USP34: variants seen among roughly 807,000 people sequenced by gnomAD.
The protein encoded by USP34 is ubiquitin carboxyl-terminal hydrolase 34.
In USP34, 70 loss-of-function variants were observed where a neutral mutation model predicts 460.3. That is an observed-to-expected ratio of 0.15 (90% CI 0.13 to 0.19). USP34 has a LOEUF of 0.19. Among genes scored for constraint, USP34 ranks in the 10% least tolerant of loss-of-function variants. The pLI is 1.00. For missense variants in USP34, 3,985 were observed against 4,236.2 expected (o/e 0.94, Z 1.65); for synonymous variants, 1,647 against 1,405.3 (o/e 1.17, Z -3.85).
At chr2:61,291,138 C>G (rs1307909000) in intron 33 of USP34, among the ~76,000 whole-genome samples, 1 of 152,048 alleles carries the variant, frequency 6.6e-6, no homozygotes, top group Non-Finnish European at 1.5e-5. Context: ...TAAAAGTGGG[C>G]AATGGATGTG....
At chr2:61,248,185 CAAAAAAA>C (rs11339335) in intron 49 of USP34, among the ~76,000 whole-genome samples, 1 of 69,568 alleles carries the variant, frequency 1.4e-5, no homozygotes, top group African/African-American at 5.4e-5. Context: ...CTCAGAAGAC[CAAAAAAA>C]AAAAAAAAAA....
At chr2:61,288,137 A>G (rs751778863) in intron 34 of USP34, among the ~76,000 whole-genome samples, 8 of 152,246 alleles carry the variant, frequency 5.3e-5, no homozygotes, top group Non-Finnish European at 8.8e-5. Flanking sequence ...CCCTCTGATA[A>G]TCTTATAGCA....
At chr2:61,419,206 A>T (rs987948898) in intron 2 of USP34, among the ~76,000 whole-genome samples, 1 of 152,010 alleles carries the variant, frequency 6.6e-6, no homozygotes, top group Non-Finnish European at 1.5e-5. Context: ...TTTTAAATAG[A>T]GATGGGGTCT....
intron 5 of USP34, among the ~76,000 whole-genome samples, chr2:61,387,921 ATATT>A (rs1303990162): frequency 1.4e-5 from 2 of 138,818 alleles, no homozygotes; most frequent in Non-Finnish European, 3.0e-5. Context: ...ATGTAAAAAT[ATATT>A]TATACACACA....
At chr2:61,270,776 G>T (rs574367087) in intron 41 of USP34, among the ~76,000 whole-genome samples, 3 of 152,054 alleles carry the variant, frequency 2.0e-5, no homozygotes, top group Non-Finnish European at 2.9e-5. Flanking sequence ...AACAGACTAA[G>T]ACAATAATGC....
rs768424751 is a variant in USP34, at chr2:61,319,280, C to T, written c.3061G>A (p.Asp1021Asn). The T allele has an allele frequency of 4.5e-5, 71 of 1,590,448 alleles. 1 individual carries two copies. In the East Asian group the frequency reaches 1.6e-3, roughly 36 times the overall value. The change falls in exon 22 of 80, where the codon GAT (aspartate) becomes AAT (asparagine). Residue 1021 changes from aspartate (D) to asparagine (N), a missense_variant. Around this residue, in one of 14 missense-constraint regions of USP34, gnomAD observed 1,114 missense variants for 1,122.5 expected, o/e 0.99. Transcript: ENST00000398571. ...VDILWHCLVEDSECYDDALHW... is the reference protein window; with the variant it reads ...VDILWHCLVENSECYDDALHW... Reference sequence around the variant, plus strand: ...AGTGCATCATCATAACATTCAGAATCTTCTACTAAACAATGCCATAAGATG... The same window carrying T: ...AGTGCATCATCATAACATTCAGAATTTTCTACTAAACAATGCCATAAGATG...
intron 19 of USP34, 45 bp downstream of exon 19, chr2:61,333,837 G>C (rs1301701873): frequency 3.0e-6 from 4 of 1,328,708 alleles, no homozygotes; most frequent in Non-Finnish European, 4.0e-6. Context: ...ACTATAATTA[G>C]AAAAAAATCT....
chr2:61,197,825 T>A (rs532097009), intron 75 of USP34, among the ~76,000 whole-genome samples: 2 of 152,142 alleles, frequency 1.3e-5, no homozygotes, highest in African/African-American at 4.8e-5. Flanking sequence ...AGTGGCTCCA[T>A]CTCAGCTCAC....
At chr2:61,260,813 G>C (rs975487343) in intron 43 of USP34, among the ~76,000 whole-genome samples, 1 of 152,108 alleles carries the variant, frequency 6.6e-6, no homozygotes, top group Non-Finnish European at 1.5e-5. Context: ...CAGGAATAAA[G>C]ACCTGGATTT....
intron 10 of USP34, among the ~76,000 whole-genome samples, chr2:61,355,319 G>C (rs1406932089): frequency 6.6e-6 from 1 of 152,118 alleles, no homozygotes; most frequent in Non-Finnish European, 1.5e-5. Flanking sequence ...AATTATTACA[G>C]ATAATACTGA....
intron 21 of USP34, among the ~76,000 whole-genome samples, chr2:61,323,321 C>T (rs1690984558): frequency 6.6e-6 from 1 of 152,026 alleles, no homozygotes; most frequent in Non-Finnish European, 1.5e-5. Context: ...ACCATCCTGG[C>T]TAACACGGTG....
Position 61,227,203 on chromosome 2 carries a change from A to T in USP34, c.7459T>A (p.Leu2487Ile), listed in dbSNP as rs1170109879. 2 of 1,612,002 alleles carry T rather than the reference A, an allele frequency of 1.2e-6. No homozygotes were observed. Among genetic ancestry groups the T allele is most frequent in the African/African-American group, 2.7e-5 (2 of 74,822 alleles). The change falls in exon 62 of 80, where the codon TTA (leucine) becomes ATA (isoleucine). Residue 2487 changes from leucine to isoleucine, a missense_variant. Transcript: ENST00000398571. ...TCTTCTTCCCCTTCTTCCTCTGATA[A>T]CACTTCAACTTGAGGCTAAGTTGGA... ...KGPENPQVEV[L>I]SEEEGEEEEE...
intron 1 of USP34, among the ~76,000 whole-genome samples, chr2:61,448,897 G>A (rs1261613752): frequency 6.6e-6 from 1 of 152,226 alleles, no homozygotes; most frequent in African/African-American, 2.4e-5. Context: ...GCTCATGCCT[G>A]TAATCTCAGC....
intron 2 of USP34, among the ~76,000 whole-genome samples, chr2:61,414,052 G>C (rs530824761): frequency 6.6e-6 from 1 of 152,264 alleles, no homozygotes; most frequent in East Asian, 1.9e-4. Context: ...GAGCTCAGGA[G>C]CTCGAGACCA....
chr2:61,341,376 TAC>T (rs771015932), intron 16 of USP34, among the ~76,000 whole-genome samples: 1 of 152,220 alleles, frequency 6.6e-6, no homozygotes, highest in Non-Finnish European at 1.5e-5. Context: ...AGCAGTTTGA[TAC>T]AGTTTGAATG....
At chr2:61,460,721 A>T (rs1298252370) in intron 1 of USP34, among the ~76,000 whole-genome samples, 1 of 152,184 alleles carries the variant, frequency 6.6e-6, no homozygotes, top group Non-Finnish European at 1.5e-5. Context: ...GTGGCAGCTC[A>T]TGCCTGTAAT....
intron 25 of USP34, among the ~76,000 whole-genome samples, chr2:61,312,855 T>C (rs1690636696): frequency 6.6e-6 from 1 of 152,190 alleles, no homozygotes; most frequent in African/African-American, 2.4e-5. Flanking sequence ...ACGTACTATG[T>C]CTTGGGAAAC....
chr2:61,190,173 A>C, intron 78 of USP34, 98 bp downstream of exon 78: 1 of 1,475,120 alleles, frequency 6.8e-7, no homozygotes, highest in Non-Finnish European at 9.0e-7. Flanking sequence ...AGTTTGAATC[A>C]GTAAGTTAAA....
intron 41 of USP34, among the ~76,000 whole-genome samples, chr2:61,268,315 A>T (rs532422129): frequency 6.6e-6 from 1 of 151,612 alleles, no homozygotes; most frequent in Non-Finnish European, 1.5e-5. Context: ...GTGCTCCCCA[A>T]TGTTGGAGGT....
Sources: allele counts gnomAD v4.1 joint callset (sites outside exome capture counted in the v4.1 genomes callset), GRCh38; gene constraint gnomAD v4.1.1; regional missense constraint gnomAD v4.1.1; transcripts MANE v1.5; gene names NCBI Gene and HGNC (gene_info 2026-07-23, HGNC 2026-07-21).